OR6C68: variants seen among roughly 807,000 people sequenced by gnomAD.
OR6C68 encodes olfactory receptor family 6 subfamily C member 68.
For synonymous variants in OR6C68, 161 were observed against 129.8 expected, an observed-to-expected ratio of 1.24 and a Z score of -1.63; for missense variants, 440 against 368.5, an observed-to-expected ratio of 1.19 and a Z score of -1.59.
rs143765948 is a variant in OR6C68, at chr12:55,492,649, C to A, written c.272C>A (p.Thr91Lys). The A allele has an allele frequency of 5.6e-5, 90 of 1,613,922 alleles. No homozygotes were observed. In the East Asian group the frequency reaches 1.8e-3, roughly 32 times the overall value. ...YSISTGNKII[T>K]YNACVIQLFF... Reference sequence around the variant, plus strand: ...ATCTCAACTGGGAACAAAATAATAACGTATAATGCATGTGTCATTCAGCTA... The same window carrying A: ...ATCTCAACTGGGAACAAAATAATAAAGTATAATGCATGTGTCATTCAGCTA... The change falls in exon 1 of 1, where the codon ACG (threonine) becomes AAG (lysine). Residue 91 changes from threonine (T) to lysine (K), a missense_variant. Coordinates refer to ENST00000548615, the MANE Select transcript of OR6C68 (RefSeq NM_001005519.2).
At position 55,492,894 on chromosome 12, in the gene OR6C68, A is replaced by T; in HGVS notation, c.517A>T (p.Asn173Tyr). ...HLEFCDSNVI[N>Y]HFGCDALPIL... ...AGAATTCTGTGACTCTAATGTCATC[A>T]ATCATTTTGGCTGTGATGCATTGCC... The change falls in exon 1 of 1, where the codon AAT becomes TAT. Residue 173 changes from asparagine (N) to tyrosine (Y), a missense_variant. Physicochemically the swap from Asn to Tyr is moderately radical, Grantham distance 143. Coordinates refer to ENST00000548615, the MANE Select transcript of OR6C68 (RefSeq NM_001005519.2). 6.2e-7 allele frequency: 1 copy of T among 1,613,424 alleles called. No individual in the cohort carries two copies. Among genetic ancestry groups the T allele is most frequent in the Non-Finnish European group, 8.5e-7 (1 of 1,179,564 alleles).
At position 55,492,523 on chromosome 12, in the gene OR6C68, T is replaced by G. The variant is rs756337803; in HGVS notation, c.146T>G (p.Leu49Trp). The stretch of plus-strand genomic sequence containing the variant: ...CTGACCATTATCGCCCTCACCATGT[T>G]GGATCCCCACCTGAAAACACCCATG... ...GKLTIIALTM[L>W]DPHLKTPMYF... Residue 49 changes from leucine to tryptophan, a missense_variant, in exon 1 of 1, where the codon TTG becomes TGG. Coordinates refer to ENST00000548615, the MANE Select transcript of OR6C68 (RefSeq NM_001005519.2). The G allele has an allele frequency of 4.3e-6, 7 of 1,614,078 alleles. No homozygotes were observed. Among genetic ancestry groups the G allele is most frequent in the Non-Finnish European group, 5.9e-6 (7 of 1,179,940 alleles).
chr12:55,493,222 T>C lies in OR6C68; in HGVS notation c.845T>C (p.Met282Thr), dbSNP rs763090454. The C allele has an allele frequency of 6.2e-7, 1 of 1,612,642 alleles. No homozygotes were observed. Among genetic ancestry groups the C allele is most frequent in the South Asian group, 1.1e-5 (1 of 90,948 alleles). ...GTGCTTATTTCATCCATATCACCTA[T>C]GTTGAATTCTTTCATATATACTCTT... Reference protein sequence around the residue: ...VSVLISSISPMLNSFIYTLRN... With the variant: ...VSVLISSISPTLNSFIYTLRN... The change falls in exon 1 of 1, where the codon ATG becomes ACG. Residue 282 changes from methionine (M) to threonine (T), a missense_variant. Met to Thr is a moderately conservative substitution (Grantham distance 81). Transcript: ENST00000548615.
Position 55,492,847 on chromosome 12 carries a change from C to T in OR6C68, c.470C>T (p.Pro157Leu), listed in dbSNP as rs1872527300. 3 of 1,613,918 alleles carry T rather than the reference C, an allele frequency of 1.9e-6. No homozygotes were observed. Among genetic ancestry groups the T allele is most frequent in the South Asian group, 1.1e-5 (1 of 91,074 alleles). Residue 157 changes from proline to leucine, a missense_variant, in exon 1 of 1, where the codon CCA (proline) becomes CTA (leucine). Transcript: ENST00000548615. ...GCAGCACTTATGATTATCCTCCCAC[C>T]ACTTAGCTTAGGTTTTCATCTAGAA... ...WMAALMIILP[P>L]LSLGFHLEFC...
rs1414366415 is a variant in OR6C68 at position 55,492,860 on chromosome 12, T to C, written c.483T>C (p.Gly161=). The C allele has an allele frequency of 6.2e-7, 1 of 1,613,992 alleles. No individual in the cohort carries two copies. Among genetic ancestry groups the C allele is most frequent in the Non-Finnish European group, 8.5e-7 (1 of 1,179,922 alleles). Residue 161 remains glycine, a synonymous_variant, in exon 1 of 1, where the codon GGT becomes GGC. Transcript: ENST00000548615. ...LMIILPPLSL[G]FHLEFCDSNV... The stretch of plus-strand genomic sequence containing the variant: ...TTATCCTCCCACCACTTAGCTTAGG[T>C]TTTCATCTAGAATTCTGTGACTCTA...
rs1275129587 is a variant in OR6C68 at position 55,492,491 on chromosome 12, A to G, written c.114A>G (p.Thr38=). Residue 38 remains threonine, a synonymous_variant, in exon 1 of 1, where the codon ACA becomes ACG. Coordinates refer to ENST00000548615, the MANE Select transcript of OR6C68 (RefSeq NM_001005519.2). ...TTATCACCTACATGTTGAGTGTAAC[A>G]GGGAAACTGACCATTATCGCCCTCA... ...FLFITYMLSV[T]GKLTIIALTM... 6.2e-7 allele frequency: 1 copy of G among 1,613,870 alleles called. No individual in the cohort carries two copies.
rs750357651 is a variant in OR6C68, at chr12:55,493,313, G to A, written c.936G>A (p.Lys312=). ...SLKKIAFRLK[K] ...AAAAAATTGCATTTCGTTTAAAAAA[G>A]TAAAGTGTACCTAAGTTGATAAATC... The change falls in exon 1 of 1, where the codon AAG becomes AAA. Residue 312 remains lysine (K), a synonymous_variant. Transcript: ENST00000548615. The A allele has an allele frequency of 1.9e-5, 29 of 1,524,694 alleles. No homozygotes were observed. The South Asian group carries it at 3.0e-4, about 16-fold the overall frequency. 94.4% of individuals were successfully genotyped at this position (1,524,694 alleles called of 1,614,324 possible).
Position 55,493,055 on chromosome 12 carries a change from C to T in OR6C68, c.678C>T (p.Phe226=). 1.2e-6 allele frequency: 2 copies of T among 1,605,552 alleles called. No individual in the cohort carries two copies. The highest frequency in any genetic ancestry group is 1.7e-6 in the Non-Finnish European group (2 of 1,177,260). Reference sequence around the variant, plus strand: ...ATATCATAAGAACAATTCTAAAATTCCCTTCTGTTCAACAAAAGAAAAAAG... The same window carrying T: ...ATATCATAAGAACAATTCTAAAATTTCCTTCTGTTCAACAAAAGAAAAAAG... ...YTYIIRTILK[F]PSVQQKKKAF... Residue 226 remains phenylalanine, a synonymous_variant, in exon 1 of 1, where the codon TTC becomes TTT. Transcript: ENST00000548615.
At position 55,493,149 on chromosome 12, in the gene OR6C68, A is replaced by C. The variant is rs777807075; in HGVS notation, c.772A>C (p.Ile258Leu). 6.2e-7 allele frequency: 1 copy of C among 1,613,844 alleles called. No homozygotes were observed. The highest frequency in any genetic ancestry group is 1.7e-4 in the Middle Eastern group (1 of 6,058). The change falls in exon 1 of 1, where the codon ATC (isoleucine) becomes CTC (leucine). Residue 258 changes from isoleucine to leucine, a missense_variant. Transcript: ENST00000548615. ...TTATGGCAGCTGCATCTTCATCTAT[A>C]TCAAGCCATCTGCAAAAGAAGAGGT... ...ITYGSCIFIY[I>L]KPSAKEEVNI...
chr12:55,493,285 T>C lies in OR6C68; in HGVS notation c.908T>C (p.Leu303Pro). The C allele has an allele frequency of 6.4e-7, 1 of 1,570,006 alleles. No homozygotes were observed. Among genetic ancestry groups the C allele is most frequent in the Non-Finnish European group, 8.6e-7 (1 of 1,162,978 alleles). ...GTTAAACAAGCCTTTCATGACTCAC[T>C]CAAAAAAATTGCATTTCGTTTAAAA... ...EQVKQAFHDS[L>P]KKIAFRLKK Residue 303 changes from leucine to proline, a missense_variant, in exon 1 of 1, where the codon CTC (leucine) becomes CCC (proline). Physicochemically the swap from Leu to Pro is moderately conservative, Grantham distance 98 (BLOSUM62 -3). Transcript: ENST00000548615.
Position 55,492,951 on chromosome 12 carries a change from T to G in OR6C68, c.574T>G (p.Leu192Val). The change falls in exon 1 of 1, where the codon TTA (leucine) becomes GTA (valine). Residue 192 changes from leucine to valine, a missense_variant. Coordinates refer to ENST00000548615, the MANE Select transcript of OR6C68 (RefSeq NM_001005519.2). Reference protein sequence around the residue: ...ILKIPCSDTSLIEQMVVASAV... With the variant: ...ILKIPCSDTSVIEQMVVASAV... ...GAAAATACCATGCTCAGACACATCA[T>G]TAATTGAGCAGATGGTTGTAGCCTC... is the stretch of plus-strand genomic sequence containing the variant. The G allele has an allele frequency of 1.2e-6, 2 of 1,612,244 alleles. No individual in the cohort carries two copies. Among genetic ancestry groups the G allele is most frequent in the Non-Finnish European group, 1.7e-6 (2 of 1,178,822 alleles).
rs778412333 is a variant in OR6C68, at chr12:55,492,826, C to T, written c.449C>T (p.Ala150Val). ...KTMVICCWMA[A>V]LMIILPPLSL... ...ATGGTTATTTGTTGTTGGATGGCAG[C>T]ACTTATGATTATCCTCCCACCACTT... The change falls in exon 1 of 1, where the codon GCA becomes GTA. Residue 150 changes from alanine to valine, a missense_variant. Coordinates refer to ENST00000548615, the MANE Select transcript of OR6C68 (RefSeq NM_001005519.2). 6 of 1,613,896 alleles carry T rather than the reference C, an allele frequency of 3.7e-6. No homozygotes were observed. Among genetic ancestry groups the T allele is most frequent in the Non-Finnish European group, 5.1e-6 (6 of 1,179,916 alleles).
In OR6C68 at chr12:55,492,822, G is replaced by A. The variant is rs1872526548; in HGVS notation, c.445G>A (p.Ala149Thr). The change falls in exon 1 of 1, where the codon GCA (alanine) becomes ACA (threonine). Residue 149 changes from alanine (A) to threonine (T), a missense_variant. By Grantham distance (58) the Ala-to-Thr change is moderately conservative. Coordinates refer to ENST00000548615, the MANE Select transcript of OR6C68 (RefSeq NM_001005519.2). ...CKTMVICCWM[A>T]ALMIILPPLS... Reference sequence around the variant, plus strand: ...AACAATGGTTATTTGTTGTTGGATGGCAGCACTTATGATTATCCTCCCACC... The same window carrying A: ...AACAATGGTTATTTGTTGTTGGATGACAGCACTTATGATTATCCTCCCACC... 1 of 1,614,088 alleles carries A rather than the reference G, an allele frequency of 6.2e-7. No homozygotes were observed. Among genetic ancestry groups the A allele is most frequent in the African/African-American group, 1.3e-5 (1 of 75,030 alleles).
chr12:55,493,054 T>C lies in OR6C68; in HGVS notation c.677T>C (p.Phe226Ser). ...YTYIIRTILKFPSVQQKKKAF... is the reference protein window; with the variant it reads ...YTYIIRTILKSPSVQQKKKAF... Reference sequence around the variant, plus strand: ...TATATCATAAGAACAATTCTAAAATTCCCTTCTGTTCAACAAAAGAAAAAA... The same window carrying C: ...TATATCATAAGAACAATTCTAAAATCCCCTTCTGTTCAACAAAAGAAAAAA... The change falls in exon 1 of 1, where the codon TTC (phenylalanine) becomes TCC (serine). Residue 226 changes from phenylalanine (F) to serine (S), a missense_variant. Transcript: ENST00000548615. 1 of 1,605,398 alleles carries C rather than the reference T, an allele frequency of 6.2e-7. No homozygotes were observed. Among genetic ancestry groups the C allele is most frequent in the East Asian group, 2.2e-5 (1 of 44,828 alleles).
rs1872532663 is a variant in OR6C68, at chr12:55,493,024, A to G, written c.647A>G (p.Tyr216Cys). 1.9e-6 allele frequency: 3 copies of G among 1,610,778 alleles called. No individual in the cohort carries two copies. Among genetic ancestry groups the G allele is most frequent in the Non-Finnish European group, 2.5e-6 (3 of 1,178,816 alleles). The change falls in exon 1 of 1, where the codon TAC (tyrosine) becomes TGC (cysteine). Residue 216 changes from tyrosine (Y) to cysteine (C), a missense_variant. Coordinates refer to ENST00000548615, the MANE Select transcript of OR6C68 (RefSeq NM_001005519.2). ...IITLVCVVLS[Y>C]TYIIRTILKF... ...ACTCTTGTATGTGTAGTTCTGTCCT[A>G]CACATATATCATAAGAACAATTCTA...
In OR6C68 at chr12:55,493,071, A is replaced by G. The variant is rs766537958; in HGVS notation, c.694A>G (p.Lys232Glu). 6.2e-7 allele frequency: 1 copy of G among 1,605,864 alleles called. No homozygotes were observed. Among genetic ancestry groups the G allele is most frequent in the Non-Finnish European group, 8.5e-7 (1 of 1,177,544 alleles). The change falls in exon 1 of 1, where the codon AAG (lysine) becomes GAG (glutamate). Residue 232 changes from lysine to glutamate, a missense_variant. By Grantham distance (56) the Lys-to-Glu change is moderately conservative (BLOSUM62 1). Transcript: ENST00000548615. ...TILKFPSVQQ[K>E]KKAFSTCSSH... is the part of the protein sequence containing the mutation. ...TCTAAAATTCCCTTCTGTTCAACAA[A>G]AGAAAAAAGCCTTTTCTACCTGTTC...
rs750509442 is a variant in OR6C68 at position 55,492,511 on chromosome 12, C to T, written c.134C>T (p.Ala45Val). 2 of 1,613,938 alleles carry T rather than the reference C, an allele frequency of 1.2e-6. No homozygotes were observed. Among genetic ancestry groups the T allele is most frequent in the South Asian group, 2.2e-5 (2 of 91,058 alleles). The part of the protein sequence containing the change: ...LSVTGKLTII[A>V]LTMLDPHLKT... ...GTAACAGGGAAACTGACCATTATCGCCCTCACCATGTTGGATCCCCACCTG... is the reference window on the plus strand; with the variant it reads ...GTAACAGGGAAACTGACCATTATCGTCCTCACCATGTTGGATCCCCACCTG... Residue 45 changes from alanine to valine, a missense_variant, in exon 1 of 1, where the codon GCC becomes GTC. Physicochemically the swap from Ala to Val is moderately conservative, Grantham distance 64. Coordinates refer to ENST00000548615, the MANE Select transcript of OR6C68 (RefSeq NM_001005519.2).
chr12:55,493,102 A>G lies in OR6C68; in HGVS notation c.725A>G (p.His242Arg). The G allele has an allele frequency of 6.2e-7, 1 of 1,609,126 alleles. No individual in the cohort carries two copies. Among genetic ancestry groups the G allele is most frequent in the Non-Finnish European group, 8.5e-7 (1 of 1,178,830 alleles). The change falls in exon 1 of 1, where the codon CAT becomes CGT. Residue 242 changes from histidine to arginine, a missense_variant. Physicochemically the swap from His to Arg is conservative, Grantham distance 29. Transcript: ENST00000548615. Reference sequence around the variant, plus strand: ...AAAGCCTTTTCTACCTGTTCTTCACATATTACTGTGGTTTCCATCACTTAT... The same window carrying G: ...AAAGCCTTTTCTACCTGTTCTTCACGTATTACTGTGGTTTCCATCACTTAT... ...KKKAFSTCSSHITVVSITYGS... is the reference protein window; with the variant it reads ...KKKAFSTCSSRITVVSITYGS...
rs1458242593 is a variant in OR6C68, at chr12:55,492,872, A to G, written c.495A>G (p.Glu165=). ...CACTTAGCTTAGGTTTTCATCTAGA[A>G]TTCTGTGACTCTAATGTCATCAATC... ...LPPLSLGFHL[E]FCDSNVINHF... Residue 165 remains glutamate, a synonymous_variant, in exon 1 of 1, where the codon GAA becomes GAG. Coordinates refer to ENST00000548615, the MANE Select transcript of OR6C68 (RefSeq NM_001005519.2). 1.9e-6 allele frequency: 3 copies of G among 1,614,048 alleles called. No homozygotes were observed. The highest frequency in any genetic ancestry group is 1.1e-5 in the South Asian group (1 of 91,060).
Sources: allele counts gnomAD v4.1 joint callset, GRCh38; gene constraint gnomAD v4.1.1; transcripts MANE v1.5; gene names NCBI Gene and HGNC (gene_info 2026-07-23, HGNC 2026-07-21).